Variants in GREM2 observed in about 807,000 individuals in gnomAD.
The protein encoded by GREM2 is gremlin 2, DAN family BMP antagonist.
Under a neutral mutation model 14.2 loss-of-function variants are expected in GREM2, and 11 were observed. The ratio of observed to expected loss-of-function variants is 0.78; its 90% confidence interval spans 0.49 to 1.28. GREM2 has a LOEUF of 1.28. GREM2 is among the 50% of genes most tolerant of loss of function. The pLI, the probability that GREM2 is intolerant of heterozygous loss-of-function variation, is 0.00. For synonymous variants in GREM2, 98 were observed against 97.6 expected, an observed-to-expected ratio of 1.00 and a Z score of -0.02; for missense variants, 210 against 218.5, an observed-to-expected ratio of 0.96 and a Z score of 0.24.
chr1:240,527,346 CATAAAG>C (rs888747459), intron 1 of GREM2, among the ~76,000 whole-genome samples: 1 of 152,118 alleles, frequency 6.6e-6, no homozygotes, highest in Non-Finnish European at 1.5e-5. Flanking sequence ...AATAATACTG[CATAAAG>C]ATAATTAGGG....
At chr1:240,569,055 T>TA (rs1432623581) in intron 1 of GREM2, among the ~76,000 whole-genome samples, 2 of 151,822 alleles carry the variant, frequency 1.3e-5, no homozygotes, top group East Asian at 1.9e-4. Flanking sequence ...TCTCTTGAAT[T>TA]AAAAAAACAA....
chr1:240,562,777 A>G (rs376209493), intron 1 of GREM2, among the ~76,000 whole-genome samples: 1 of 149,704 alleles, frequency 6.7e-6, no homozygotes, highest in Non-Finnish European at 1.5e-5. Flanking sequence ...ATGTGTGTGT[A>G]TGAGTGTGTA....
In GREM2 at chr1:240,611,880, G is replaced by C. The variant is rs963108232; in HGVS notation, c.-2+4C>G. On this transcript the variant is annotated splice_donor_region_variant and intron_variant, in intron 1 of 1. Coordinates refer to ENST00000318160, the MANE Select transcript of GREM2 (RefSeq NM_022469.4). Reference sequence around the variant, plus strand: ...TGTCACGTTAGTCGTGACAAGCTGCGTACCTGCAATGACGTGATGGAAGCC... The same window carrying C: ...TGTCACGTTAGTCGTGACAAGCTGCCTACCTGCAATGACGTGATGGAAGCC... 1.3e-5 allele frequency: 2 copies of C among 152,756 alleles called. No homozygotes were observed. Among genetic ancestry groups the C allele is most frequent in the Non-Finnish European group, 2.9e-5 (2 of 68,170 alleles). The allele number at this position is 152,756 out of a possible 1,614,324, so 9.5% of individuals were successfully genotyped here.
Position 240,576,092 on chromosome 1 carries a change from A to G in GREM2, c.-2+35792T>C, listed in dbSNP as rs1462008742. 7.2e-5 allele frequency among the ~76,000 whole-genome samples: 11 copies of G among 152,320 alleles called. No homozygotes were observed. In the East Asian group the frequency reaches 1.9e-3, roughly 27 times the overall value. On this transcript the variant is annotated intron_variant, in intron 1 of 1. Coordinates refer to ENST00000318160, the MANE Select transcript of GREM2 (RefSeq NM_022469.4). ...TTTTTTCCAACTTTCTTCTATGGCA[A>G]ACAACCACATACCTTGTAGAAAATG...
At chr1:240,585,926 T>C (rs1228263815) in intron 1 of GREM2, among the ~76,000 whole-genome samples, 2 of 151,512 alleles carry the variant, frequency 1.3e-5, no homozygotes, top group Admixed American at 1.3e-4. Flanking sequence ...TCTGATGAGT[T>C]GCATCTGATG....
intron 1 of GREM2, among the ~76,000 whole-genome samples, chr1:240,554,436 C>G (rs1032784678): frequency 1.3e-5 from 2 of 151,172 alleles, no homozygotes; most frequent in Admixed American, 1.3e-4. Context: ...AAGATGAGGT[C>G]TCACTATGTT....
chr1:240,573,854 G>A lies in GREM2; in HGVS notation c.-2+38030C>T, dbSNP rs769755590. On this transcript the variant is annotated intron_variant, in intron 1 of 1. Coordinates refer to ENST00000318160, the MANE Select transcript of GREM2 (RefSeq NM_022469.4). The stretch of plus-strand genomic sequence containing the variant: ...TAGAGGATGGTAAACCCTGAGCTAG[G>A]GGTCTCAGAGCTGGGACTGGAATCC... 1.1e-4 allele frequency among the ~76,000 whole-genome samples: 17 copies of A among 152,150 alleles called. No individual in the cohort carries two copies. The South Asian group carries it at 3.5e-3, about 31-fold the overall frequency.
intron 1 of GREM2, among the ~76,000 whole-genome samples, chr1:240,518,979 C>CTT (rs34517805): frequency 0.52 from 79,402 of 151,792 alleles, 21,404 homozygotes; most frequent in East Asian, 0.86. Flanking sequence ...AGACAATACT[C>CTT]AATGGAAACC....
chr1:240,516,917 AC>A (rs924816979), intron 1 of GREM2, among the ~76,000 whole-genome samples: 170 of 152,226 alleles, frequency 1.1e-3, no homozygotes, highest in African/African-American at 4.0e-3. Flanking sequence ...CTGGAGCTAG[AC>A]CGTCTAGGCT....
rs763055130 is a variant in GREM2 at position 240,493,423 on chromosome 1, A to G, written c.53T>C (p.Val18Ala). ...SLFLVAVLVK[V>A]AEARKNRPAG... is the part of the protein sequence containing the mutation. ...CGGCCGGTTCTTCCGGGCTTCCGCC[A>G]CCTTCACCAGCACCGCCACCAGGAA... The change falls in exon 2 of 2, where the codon GTG becomes GCG. Residue 18 changes from valine (V) to alanine (A), a missense_variant. Coordinates refer to ENST00000318160, the MANE Select transcript of GREM2 (RefSeq NM_022469.4). The G allele has an allele frequency of 1.9e-6, 3 of 1,612,290 alleles. No individual in the cohort carries two copies. In the South Asian group the frequency reaches 3.3e-5, roughly 18 times the overall value.
chr1:240,494,709 G>C (rs2103269504), intron 1 of GREM2, among the ~76,000 whole-genome samples: 1 of 152,126 alleles, frequency 6.6e-6, no homozygotes, highest in East Asian at 1.9e-4. Flanking sequence ...AGACCATCCT[G>C]GCTAACACGG....
chr1:240,504,035 T>C (rs1677628280), intron 1 of GREM2, among the ~76,000 whole-genome samples: 1 of 152,248 alleles, frequency 6.6e-6, no homozygotes. Flanking sequence ...ATTTTTTCTA[T>C]TTTTAAAAAC....
intron 1 of GREM2, among the ~76,000 whole-genome samples, chr1:240,567,960 T>C (rs1679198342): frequency 6.6e-6 from 1 of 151,922 alleles, no homozygotes; most frequent in South Asian, 2.1e-4. Flanking sequence ...AATACAAAAA[T>C]TAGCCAGATG....
In GREM2 at chr1:240,543,833, A is replaced by T. The variant is rs1024013226; in HGVS notation, c.-1-50357T>A. ...TTTGACACTTGATATCTTAAGAGAA[A>T]TGCCCTATATAATGTGAGACTATTA... is the stretch of plus-strand genomic sequence containing the variant. On this transcript the variant is annotated intron_variant, in intron 1 of 1. Transcript: ENST00000318160. The surrounding 1 kb of genome is among the most constrained non-coding windows in gnomAD (Gnocchi z 6.4). Among the ~76,000 whole-genome samples the T allele has an allele frequency of 2.6e-5, 4 of 152,186 alleles. No individual in the cohort carries two copies. Among genetic ancestry groups the T allele is most frequent in the Non-Finnish European group, 4.4e-5 (3 of 68,028 alleles).
intron 1 of GREM2, among the ~76,000 whole-genome samples, chr1:240,500,764 GT>G (rs943826073): frequency 4.6e-5 from 7 of 152,162 alleles, no homozygotes; most frequent in African/African-American, 1.7e-4. Context: ...TGGAGGAACA[GT>G]TTTTTTGCTT....
chr1:240,503,884 T>A (rs950719202), intron 1 of GREM2, among the ~76,000 whole-genome samples: 67 of 152,286 alleles, frequency 4.4e-4, no homozygotes, highest in African/African-American at 1.5e-3. Flanking sequence ...TCTAAGTAAT[T>A]GGAAGAGAGG....
chr1:240,572,271 T>G (rs1018514627), intron 1 of GREM2, among the ~76,000 whole-genome samples: 1 of 152,206 alleles, frequency 6.6e-6, no homozygotes, highest in Non-Finnish European at 1.5e-5. Context: ...AGGATTTTAG[T>G]GATAGCTAAT....
chr1:240,610,301 A>C (rs1365599714), intron 1 of GREM2, among the ~76,000 whole-genome samples: 1 of 143,324 alleles, frequency 7.0e-6, no homozygotes, highest in East Asian at 2.1e-4. Flanking sequence ...AAAGGAAAAA[A>C]AATTTATCTA....
intron 1 of GREM2, among the ~76,000 whole-genome samples, chr1:240,531,929 T>C (rs1169560045): frequency 2.6e-5 from 4 of 151,894 alleles, no homozygotes; most frequent in African/African-American, 4.8e-5. Context: ...ATCCAAACAA[T>C]TGGAAACGAT....
Sources: gnomAD v4.1 joint callset for allele counts (sites outside exome capture counted in the v4.1 genomes callset) on GRCh38, gnomAD v4.1.1 for gene constraint, Gnocchi (gnomAD v3.1) non-coding constraint, MANE v1.5 for transcripts, NCBI Gene and HGNC (gene_info 2026-07-23, HGNC 2026-07-21) for gene names.